The following ZSCAN18 variants were observed in gnomAD, a reference collection of about 807,000 sequenced individuals.
The protein encoded by ZSCAN18 is zinc finger and SCAN domain-containing protein 18.
In ZSCAN18, 16 loss-of-function variants were observed where a neutral mutation model predicts 31.1. The observed-to-expected ratio is 0.51, with a 90% CI of 0.35 to 0.78. ZSCAN18 has a LOEUF of 0.78. Ranked by LOEUF, ZSCAN18 falls within the 30% of genes least tolerant of loss-of-function variation. The pLI, the probability that ZSCAN18 is intolerant of heterozygous loss-of-function variation, is 0.01. For missense variants in ZSCAN18, 731 were observed against 697.4 expected, an observed-to-expected ratio of 1.05 and a Z score of -0.54; for synonymous variants, 375 against 320.7, an observed-to-expected ratio of 1.17 and a Z score of -1.81.
At chr19:58,089,263 A>G (rs569848709) in intron 2 of ZSCAN18, among the ~76,000 whole-genome samples, 28 of 114,860 alleles carry the variant, frequency 2.4e-4, no homozygotes, top group African/African-American at 9.3e-4. Flanking sequence ...AGATCCCGCC[A>G]CTGCACTCCA....
At chr19:58,103,459 T>C (rs77411912) in intron 1 of ZSCAN18, among the ~76,000 whole-genome samples, 3 of 152,366 alleles carry the variant, frequency 2.0e-5, no homozygotes, top group East Asian at 3.9e-4. Flanking sequence ...CTTCAAACTA[T>C]TGCATTATTA....
upstream of ZSCAN18, among the ~76,000 whole-genome samples, chr19:58,099,428 C>G (rs988127950): frequency 6.6e-6 from 1 of 152,152 alleles, no homozygotes; most frequent in African/African-American, 2.4e-5. Flanking sequence ...TATGTATCAA[C>G]AGTTCATTCC....
In ZSCAN18 at chr19:58,090,022, C is replaced by T. The variant is rs554166095; in HGVS notation, c.246G>A (p.Ala82=). 9.9e-6 allele frequency: 16 copies of T among 1,613,962 alleles called. No individual in the cohort carries two copies. The highest frequency in any genetic ancestry group is 1.7e-4 in the Middle Eastern group (1 of 6,058). The part of the protein sequence containing the change: ...ELCRQWLMPE[A]RSKEQMLELL... ...GCTCCAGCATCTGCTCCTTGGAGCG[C>T]GCCTCAGGCATCAGCCACTGGCGGC... The change falls in exon 2 of 7, where the codon GCG becomes GCA. Residue 82 remains alanine (A), a synonymous_variant. Coordinates refer to ENST00000601144, the MANE Select transcript of ZSCAN18 (RefSeq NM_001145543.2). This position sits in a 1 kb window ranked among gnomAD's most constrained non-coding sequence, Gnocchi z 4.7.
At chr19:58,111,764 C>T (rs1014429943) in intron 1 of ZSCAN18, among the ~76,000 whole-genome samples, 1 of 144,758 alleles carries the variant, frequency 6.9e-6, no homozygotes, top group South Asian at 2.3e-4. Context: ...CTAGCATTAC[C>T]TTGATACCAA....
chr19:58,111,702 T>C (rs1484855266), intron 1 of ZSCAN18, among the ~76,000 whole-genome samples: 8 of 152,118 alleles, frequency 5.3e-5, no homozygotes, highest in Non-Finnish European at 8.8e-5. Flanking sequence ...TACCAATTCC[T>C]CTCAGACTCT....
chr19:58,116,913 C>G (rs2074734785), intron 1 of ZSCAN18, among the ~76,000 whole-genome samples: 1 of 152,130 alleles, frequency 6.6e-6, no homozygotes, highest in South Asian at 2.1e-4. Context: ...TTTTTTGAGA[C>G]AGAGTCTCGC....
upstream of ZSCAN18, among the ~76,000 whole-genome samples, chr19:58,102,386 G>A (rs1202800729): frequency 3.9e-5 from 6 of 152,082 alleles, no homozygotes; most frequent in Admixed American, 1.3e-4. Context: ...GTGTGAACCC[G>A]GGAGGCAGAG....
chr19:58,112,216 C>T (rs977288199), intron 1 of ZSCAN18, among the ~76,000 whole-genome samples: 3 of 152,090 alleles, frequency 2.0e-5, no homozygotes, highest in Non-Finnish European at 4.4e-5. Flanking sequence ...GTATTTCTTG[C>T]AGAGATGGGG....
intron 1 of ZSCAN18, among the ~76,000 whole-genome samples, chr19:58,095,000 T>G (rs2074493559): frequency 6.6e-6 from 1 of 151,548 alleles, no homozygotes; most frequent in East Asian, 1.9e-4. Context: ...GAGGCTGCAG[T>G]GAGCTATGTT....
chr19:58,086,284 C>A lies in ZSCAN18; in HGVS notation c.746-18G>T, dbSNP rs752516847. 2 of 1,611,680 alleles carry A rather than the reference C, an allele frequency of 1.2e-6. No individual in the cohort carries two copies. Among genetic ancestry groups the A allele is most frequent in the Non-Finnish European group, 8.5e-7 (1 of 1,178,386 alleles). ...CTGATACCCTGAGTGGGGTTAAAAA[C>A]CAAAGAAATAAAAGGCATCAACACA... is the stretch of plus-strand genomic sequence containing the variant. On this transcript the variant is annotated intron_variant, in intron 5 of 6. Coordinates refer to ENST00000601144, the MANE Select transcript of ZSCAN18 (RefSeq NM_001145543.2).
Position 58,091,143 on chromosome 19 carries a change from C to T in ZSCAN18, c.-119-757G>A, listed in dbSNP as rs559516146. Among the ~76,000 whole-genome samples the T allele has an allele frequency of 1.3e-4, 19 of 151,458 alleles. No individual in the cohort carries two copies. In the South Asian group the frequency reaches 3.8e-3, roughly 30 times the overall value. ...AACTAGCTGGGTGTGGTGGTGGGTG[C>T]CTGTATTCCCAGCTACTTGGGAGGC... is the stretch of plus-strand genomic sequence containing the variant. On this transcript the variant is annotated intron_variant, in intron 1 of 6. Transcript: ENST00000601144.
At chr19:58,107,999 T>G in intron 1 of ZSCAN18, 2 of 1,035,074 alleles carry the variant, frequency 1.9e-6, no homozygotes, top group Non-Finnish European at 2.4e-6. Context: ...TGACACTGGT[T>G]ACAGCCACAG....
intron 1 of ZSCAN18, among the ~76,000 whole-genome samples, chr19:58,114,982 G>T (rs2074718347): frequency 6.6e-6 from 1 of 152,224 alleles, no homozygotes; most frequent in Non-Finnish European, 1.5e-5. Flanking sequence ...AGCGCTAGAA[G>T]CTGTTAAAAA....
chr19:58,114,629 T>C (rs1317616795), intron 1 of ZSCAN18, among the ~76,000 whole-genome samples: 1 of 152,092 alleles, frequency 6.6e-6, no homozygotes, highest in Non-Finnish European at 1.5e-5. Context: ...CCCCCAAATA[T>C]ATAAACAAGT....
At chr19:58,098,371 G>A, upstream of ZSCAN18, 1 of 985,524 alleles carries the variant, frequency 1.0e-6, no homozygotes, top group Non-Finnish European at 1.2e-6. Flanking sequence ...CGCGAGTGTG[G>A]CCTCCCGGCG....
chr19:58,092,931 C>T (rs2074443375), intron 1 of ZSCAN18, among the ~76,000 whole-genome samples: 1 of 152,006 alleles, frequency 6.6e-6, no homozygotes, highest in African/African-American at 2.4e-5. Context: ...ACATCACCCA[C>T]ACCTGGCTAA....
At chr19:58,105,755 G>T (rs1465326238) in intron 1 of ZSCAN18, among the ~76,000 whole-genome samples, 1 of 152,170 alleles carries the variant, frequency 6.6e-6, no homozygotes, top group Non-Finnish European at 1.5e-5. Context: ...TGAAGCAGGT[G>T]GATTACTTGA....
At chr19:58,114,735 G>A (rs2074716429) in intron 1 of ZSCAN18, among the ~76,000 whole-genome samples, 1 of 152,082 alleles carries the variant, frequency 6.6e-6, no homozygotes, top group South Asian at 2.1e-4. Context: ...AATATTAATT[G>A]GTGAATCTCG....
At chr19:58,107,308 C>A (rs2074642337) in intron 1 of ZSCAN18, among the ~76,000 whole-genome samples, 1 of 151,896 alleles carries the variant, frequency 6.6e-6, no homozygotes, top group East Asian at 2.0e-4. Flanking sequence ...GTAATCTCAT[C>A]ACTTTTGGGA....
Sources: gnomAD v4.1 joint callset for allele counts (sites outside exome capture counted in the v4.1 genomes callset) on GRCh38, gnomAD v4.1.1 for gene constraint, Gnocchi (gnomAD v3.1) non-coding constraint, MANE v1.5 for transcripts, NCBI Gene and HGNC (gene_info 2026-07-23, HGNC 2026-07-21) for gene names.